PLA2G10: variants seen among roughly 807,000 people sequenced by gnomAD.
PLA2G10 encodes phospholipase A2 group X.
In PLA2G10, 9 loss-of-function variants were observed where a neutral mutation model predicts 7.9. That is an observed-to-expected ratio of 1.14 (90% confidence interval 0.68 to 1.98). The LOEUF is 1.98. PLA2G10 is among the 30% of genes most tolerant of loss of function. PLA2G10 has a pLI of 0.00. For synonymous variants in PLA2G10, 19 were observed against 27.5 expected, an observed-to-expected ratio of 0.69 and a Z score of 0.97; for missense variants, 53 against 65.4, an observed-to-expected ratio of 0.81 and a Z score of 0.66.
At chr16:14,676,374 A>C (rs575252046) in intron 3 of PLA2G10, among the ~76,000 whole-genome samples, 1 of 152,328 alleles carries the variant, frequency 6.6e-6, no homozygotes, top group East Asian at 1.9e-4. Context: ...CCCATCAACC[A>C]ATGAGCAGAT....
At position 14,682,078 on chromosome 16, in the gene PLA2G10, C is replaced by G. The variant is rs961657294; in HGVS notation, c.355+6087G>C. On this transcript the variant is annotated intron_variant, in intron 3 of 3. Transcript: ENST00000438167. Reference sequence around the variant, plus strand: ...GAACTCCTGGGCTCAAGCTATCCTCCTGCCTTGGCCTCTCAAAGTGCTGGG... The same window carrying G: ...GAACTCCTGGGCTCAAGCTATCCTCGTGCCTTGGCCTCTCAAAGTGCTGGG... Among the ~76,000 whole-genome samples the G allele has an allele frequency of 3.9e-5, 6 of 152,126 alleles. No homozygotes were observed. The East Asian group carries it at 9.7e-4, about 25-fold the overall frequency.
Position 14,672,664 on chromosome 16 carries a change from T to G in PLA2G10, c.441A>C (p.Leu147Phe), listed in dbSNP as rs747549327. ...GGAACTGGGGGTAGAAGAGGTACTT[T>G]AAGTTGTACTCAGTTTGGGCTAAGC... Reference protein sequence around the residue: ...ANCLAQTEYNLKYLFYPQFLC... With the variant: ...ANCLAQTEYNFKYLFYPQFLC... The change falls in exon 4 of 4, where the codon TTA (leucine) becomes TTC (phenylalanine). Residue 147 changes from leucine to phenylalanine, a missense_variant. Physicochemically the swap from Leu to Phe is conservative, Grantham distance 22 (BLOSUM62 0). This residue lies in a region of PLA2G10 where 48 missense variants were observed against 47.0 expected (regional missense o/e 1.02). Transcript: ENST00000438167. The G allele has an allele frequency of 6.2e-7, 1 of 1,614,140 alleles. No homozygotes were observed. Among genetic ancestry groups the G allele is most frequent in the Non-Finnish European group, 8.5e-7 (1 of 1,179,982 alleles).
chr16:14,678,335 C>T (rs1303081786), intron 3 of PLA2G10, among the ~76,000 whole-genome samples: 4 of 152,166 alleles, frequency 2.6e-5, no homozygotes, highest in African/African-American at 9.7e-5. Context: ...GAAGCCAGCC[C>T]CTTCCACCAT....
At chr16:14,683,911 A>C (rs1445932637) in intron 3 of PLA2G10, among the ~76,000 whole-genome samples, 2 of 152,138 alleles carry the variant, frequency 1.3e-5, no homozygotes, top group African/African-American at 4.8e-5. Flanking sequence ...TGCAAATCAC[A>C]TATCGGGTAA....
intron 3 of PLA2G10, among the ~76,000 whole-genome samples, chr16:14,673,016 CTTTTTTT>C (rs1293093227): frequency 8.6e-5 from 11 of 128,572 alleles, no homozygotes; most frequent in South Asian, 7.5e-4. Flanking sequence ...TTTTTCTTTT[CTTTTTTT>C]TTTTTTTTTT....
intron 3 of PLA2G10, among the ~76,000 whole-genome samples, chr16:14,680,785 A>C (rs1472040973): frequency 6.6e-6 from 1 of 152,136 alleles, no homozygotes; most frequent in Non-Finnish European, 1.5e-5. Context: ...CCTTTTTAAC[A>C]ATACCTCGTG....
intron 3 of PLA2G10, among the ~76,000 whole-genome samples, chr16:14,687,784 G>C (rs1397770184): frequency 6.6e-6 from 1 of 151,742 alleles, no homozygotes; most frequent in Non-Finnish European, 1.5e-5. Context: ...AGCACTTGAG[G>C]TGGGGAGTTT....
At chr16:14,679,864 C>T (rs1027257096) in intron 3 of PLA2G10, among the ~76,000 whole-genome samples, 2 of 151,858 alleles carry the variant, frequency 1.3e-5, no homozygotes, top group African/African-American at 4.8e-5. Context: ...AGAAACCCAA[C>T]TCTCTTTAAG....
chr16:14,686,499 T>C (rs191974730), intron 3 of PLA2G10, among the ~76,000 whole-genome samples: 2 of 151,824 alleles, frequency 1.3e-5, no homozygotes, highest in Non-Finnish European at 2.9e-5. Context: ...TACATCAGAA[T>C]GGAATCTATT....
chr16:14,677,373 T>G (rs1048393926), intron 3 of PLA2G10, among the ~76,000 whole-genome samples: 4 of 152,152 alleles, frequency 2.6e-5, no homozygotes, highest in Non-Finnish European at 4.4e-5. Flanking sequence ...TCTAAAACTT[T>G]TCATTTTTTT....
intron 3 of PLA2G10, among the ~76,000 whole-genome samples, chr16:14,677,605 T>A (rs1960757665): frequency 6.6e-6 from 1 of 152,172 alleles, no homozygotes; most frequent in East Asian, 1.9e-4. Context: ...GACCTCGTGA[T>A]CTGCCCGCCT....
At chr16:14,682,821 C>A (rs1256109923) in intron 3 of PLA2G10, among the ~76,000 whole-genome samples, 1 of 151,888 alleles carries the variant, frequency 6.6e-6, no homozygotes, top group Admixed American at 6.6e-5. Context: ...GTAATCCCAG[C>A]ACTTTGGGAG....
intron 3 of PLA2G10, among the ~76,000 whole-genome samples, chr16:14,678,491 G>A (rs777507209): frequency 3.9e-5 from 6 of 152,186 alleles, no homozygotes; most frequent in African/African-American, 1.2e-4. Flanking sequence ...TATCAAGGCC[G>A]AGTGTGGTGG....
At chr16:14,685,067 A>G (rs1288432369) in intron 3 of PLA2G10, among the ~76,000 whole-genome samples, 1 of 152,158 alleles carries the variant, frequency 6.6e-6, no homozygotes, top group Non-Finnish European at 1.5e-5. Context: ...GTACTGACAC[A>G]TGCTATTAAT....
At chr16:14,677,611 C>T (rs1190024614) in intron 3 of PLA2G10, among the ~76,000 whole-genome samples, 3 of 152,140 alleles carry the variant, frequency 2.0e-5, no homozygotes, top group Non-Finnish European at 4.4e-5. Flanking sequence ...GTGATCTGCC[C>T]GCCTTAGCCT....
At chr16:14,673,034 T>TC (rs1960633787) in intron 3 of PLA2G10, among the ~76,000 whole-genome samples, 1 of 150,510 alleles carries the variant, frequency 6.6e-6, no homozygotes, top group Admixed American at 6.6e-5. Context: ...TTTTTTTTTT[T>TC]TCTGAGATGG....
At chr16:14,686,052 G>GTGCAATCT (rs2151854790) in intron 3 of PLA2G10, among the ~76,000 whole-genome samples, 1 of 147,364 alleles carries the variant, frequency 6.8e-6, no homozygotes, top group South Asian at 2.2e-4. Flanking sequence ...AAGTGCAGTG[G>GTGCAATCT]TGCAATCTTG....
At chr16:14,680,544 C>A (rs1032875981) in intron 3 of PLA2G10, among the ~76,000 whole-genome samples, 1 of 152,072 alleles carries the variant, frequency 6.6e-6, no homozygotes. Context: ...GCATGCGCTA[C>A]TATGCCAGGG....
intron 3 of PLA2G10, among the ~76,000 whole-genome samples, chr16:14,682,256 G>A (rs998792052): frequency 9.9e-5 from 15 of 152,114 alleles, no homozygotes; most frequent in African/African-American, 3.1e-4. Flanking sequence ...GTTCTAATCC[G>A]TAGTAAGAAT....
Sources: allele counts gnomAD v4.1 joint callset (sites outside exome capture counted in the v4.1 genomes callset), GRCh38; gene constraint gnomAD v4.1.1; regional missense constraint gnomAD v4.1.1; transcripts MANE v1.5; gene names NCBI Gene and HGNC (gene_info 2026-07-23, HGNC 2026-07-21).